SMCO4: variants seen among roughly 807,000 people sequenced by gnomAD.
SMCO4 encodes single-pass membrane and coiled-coil domain-containing protein 4.
SMCO4 carries 4 observed loss-of-function variants against 3.6 expected under a neutral mutation model. The observed-to-expected ratio is 1.11, with a 90% CI of 0.54 to 2.53. SMCO4 has a LOEUF of 2.53. SMCO4 is among the 30% of genes most tolerant of loss of function. The pLI is 0.02. For missense variants in SMCO4, 70 were observed against 80.8 expected (o/e 0.87, Z 0.51); for synonymous variants, 36 against 35.3 (o/e 1.02, Z -0.07).
At chr11:93,519,212 G>A (rs1478419688) in intron 1 of SMCO4, among the ~76,000 whole-genome samples, 1 of 152,174 alleles carries the variant, frequency 6.6e-6, no homozygotes, top group African/African-American at 2.4e-5. Flanking sequence ...TTAACCAGGA[G>A]GACAGTGGCA....
intron 1 of SMCO4, among the ~76,000 whole-genome samples, chr11:93,512,539 A>G (rs1188039111): frequency 6.6e-6 from 1 of 152,176 alleles, no homozygotes; most frequent in Admixed American, 6.5e-5. Flanking sequence ...AATCTTTTAT[A>G]CTATATTTTT....
chr11:93,479,376 C>A, intron 2 of SMCO4, 107 bp from the exon 3 acceptor site: 1 of 1,120,718 alleles, frequency 8.9e-7, no homozygotes, highest in East Asian at 2.7e-5. Flanking sequence ...ACTTACATGA[C>A]AAAGGGCTAA....
chr11:93,539,708 A>C (rs1565392358), intron 1 of SMCO4, among the ~76,000 whole-genome samples: 1 of 152,222 alleles, frequency 6.6e-6, no homozygotes, highest in Non-Finnish European at 1.5e-5. Context: ...CACCACAACC[A>C]GTCAAAATCT....
chr11:93,525,608 C>T (rs1470481695), intron 1 of SMCO4, among the ~76,000 whole-genome samples: 1 of 152,166 alleles, frequency 6.6e-6, no homozygotes, highest in Non-Finnish European at 1.5e-5. Context: ...TGTCTCCAGA[C>T]TCTTCCCACT....
chr11:93,545,732 C>A (rs920779179), upstream of SMCO4, among the ~76,000 whole-genome samples: 8 of 152,102 alleles, frequency 5.3e-5, no homozygotes, highest in African/African-American at 1.7e-4. Flanking sequence ...AATGAATCAC[C>A]CCTACTGAGT....
intron 1 of SMCO4, among the ~76,000 whole-genome samples, chr11:93,534,373 T>TAGAGAGAGAGAGAGAGAGAG (rs559386704): frequency 1.5e-5 from 2 of 134,186 alleles, no homozygotes; most frequent in African/African-American, 5.7e-5. Context: ...TATATATATA[T>TAGAGAGAGAGAGAGAGAGAG]ATAGAGAGAG....
chr11:93,481,295 C>T, intron 2 of SMCO4: 1 of 238,676 alleles, frequency 4.2e-6, no homozygotes, highest in Non-Finnish European at 6.8e-6. Context: ...ACAAATGCAT[C>T]TGTACCCAGA....
chr11:93,534,269 T>C lies in SMCO4; in HGVS notation c.-154+9007A>G, dbSNP rs531796283. ...ACACACACACACACACACAAACACATATATATATACATATATACACACACA... is the reference window on the plus strand; with the variant it reads ...ACACACACACACACACACAAACACACATATATATACATATATACACACACA... On this transcript the variant is annotated intron_variant, in intron 1 of 2. Transcript: ENST00000298966. Among the ~76,000 whole-genome samples, 48 of 143,904 alleles carry C rather than the reference T, an allele frequency of 3.3e-4. No individual in the cohort carries two copies. In the South Asian group the frequency reaches 3.5e-3, roughly 11 times the overall value. The allele number at this position is 143,904 out of a possible 152,430, so 94.4% of individuals were successfully genotyped here.
intron 2 of SMCO4, among the ~76,000 whole-genome samples, chr11:93,488,909 C>T (rs968887207): frequency 6.6e-6 from 1 of 152,042 alleles, no homozygotes; most frequent in Admixed American, 6.6e-5. Flanking sequence ...ACCAGGAAGA[C>T]GATGGTGGCT....
chr11:93,510,657 G>A (rs539901654), intron 1 of SMCO4, among the ~76,000 whole-genome samples: 1 of 152,108 alleles, frequency 6.6e-6, no homozygotes, highest in Admixed American at 6.5e-5. Flanking sequence ...AAGAAGTGGT[G>A]TAGTCAGGTC....
At chr11:93,549,698 A>T in the SMCO4 span, among the ~76,000 whole-genome samples, 6 of 151,704 alleles carry the variant, frequency 4.0e-5, no homozygotes, top group Non-Finnish European at 8.8e-5. Flanking sequence ...GGCTCAAGTG[A>T]TCCTTCCACC....
the SMCO4 span, among the ~76,000 whole-genome samples, chr11:93,549,222 A>G: frequency 2.6e-5 from 4 of 152,222 alleles, no homozygotes; most frequent in Non-Finnish European, 4.4e-5. Context: ...ACTTAACCCT[A>G]AGAGGAGATA....
In SMCO4 at chr11:93,490,713, G is replaced by A. The variant is rs78957620; in HGVS notation, c.-81+8563C>T. On this transcript the variant is annotated intron_variant, in intron 2 of 2. Coordinates refer to ENST00000298966, the MANE Select transcript of SMCO4 (RefSeq NM_020179.3). ...ACCTCCAGAGGTCTGTATATTAAAA[G>A]GGCATAAATTACAGGTTGAAGAAGT... 5.3e-3 allele frequency among the ~76,000 whole-genome samples: 800 copies of A among 152,330 alleles called. 36 individuals are homozygous for A. In the East Asian group the frequency reaches 0.079, roughly 15 times the overall value.
chr11:93,541,870 G>A (rs896620660), intron 1 of SMCO4, among the ~76,000 whole-genome samples: 10 of 152,154 alleles, frequency 6.6e-5, no homozygotes, highest in African/African-American at 2.4e-4. Context: ...AGATTTCACT[G>A]TGTCCCTCAG....
intron 1 of SMCO4, among the ~76,000 whole-genome samples, chr11:93,511,160 T>G (rs1238956961): frequency 9.2e-5 from 14 of 151,520 alleles, no homozygotes; most frequent in African/African-American, 3.4e-4. Context: ...GAAATAAACA[T>G]GTCCAATTAA....
At chr11:93,548,655 C>A in the SMCO4 span, among the ~76,000 whole-genome samples, 1 of 152,198 alleles carries the variant, frequency 6.6e-6, no homozygotes, top group Admixed American at 6.5e-5. Context: ...AAGACCTGGA[C>A]TTGAGGTCTG....
intron 1 of SMCO4, among the ~76,000 whole-genome samples, chr11:93,500,574 A>T (rs1285275313): frequency 6.6e-6 from 1 of 152,118 alleles, no homozygotes; most frequent in Non-Finnish European, 1.5e-5. Context: ...AAAGGGAGGG[A>T]TGGGACGCAG....
chr11:93,542,370 G>A (rs1949277874), intron 1 of SMCO4, among the ~76,000 whole-genome samples: 1 of 152,170 alleles, frequency 6.6e-6, no homozygotes, highest in South Asian at 2.1e-4. Flanking sequence ...ATGAGTGGAT[G>A]GGTGGGTGTA....
chr11:93,538,766 A>T (rs1295987777), intron 1 of SMCO4, among the ~76,000 whole-genome samples: 5 of 152,146 alleles, frequency 3.3e-5, no homozygotes, highest in Admixed American at 3.3e-4. Flanking sequence ...GATTCCAACA[A>T]GCCCCCTCTT....
Sources: allele counts gnomAD v4.1 joint callset (sites outside exome capture counted in the v4.1 genomes callset), GRCh38; gene constraint gnomAD v4.1.1; transcripts MANE v1.5; gene names NCBI Gene and HGNC (gene_info 2026-07-23, HGNC 2026-07-21).